The following RBFOX1 variants were observed in gnomAD, a reference collection of about 807,000 sequenced individuals.
RBFOX1 encodes the protein RNA binding protein fox-1 homolog 1.
Under a neutral mutation model 57.7 loss-of-function variants are expected in RBFOX1, and 8 were observed. That is an observed-to-expected ratio of 0.14 (90% CI 0.08 to 0.25). RBFOX1 has a LOEUF of 0.25. Ranked by LOEUF, RBFOX1 falls within the 10% of genes least tolerant of loss-of-function variation. The pLI is 1.00. For missense variants in RBFOX1, 611 were observed against 548.5 expected, an observed-to-expected ratio of 1.11 and a Z score of -1.14; for synonymous variants, 326 against 222.4, an observed-to-expected ratio of 1.47 and a Z score of -4.15.
intron 2 of RBFOX1, among the ~76,000 whole-genome samples, chr16:5,569,146 G>A (rs1394622453): frequency 2.0e-5 from 3 of 151,972 alleles, no homozygotes; most frequent in East Asian, 1.9e-4. Flanking sequence ...CACCATGCCC[G>A]GCTGACATTG....
chr16:7,374,887 C>A (rs1308321968), intron 4 of RBFOX1, among the ~76,000 whole-genome samples: 2 of 152,176 alleles, frequency 1.3e-5, no homozygotes, highest in African/African-American at 2.4e-5. Context: ...CAGAAAGTGT[C>A]TCTTCCATGA....
chr16:7,061,679 A>G (rs543011935), intron 4 of RBFOX1, among the ~76,000 whole-genome samples: 1 of 152,214 alleles, frequency 6.6e-6, no homozygotes, highest in African/African-American at 2.4e-5. Context: ...TCCAGGGAAA[A>G]TCTATTCCCA....
rs2071879460 is a variant in RBFOX1 at position 6,740,942 on chromosome 16, G to A, written c.-16+86292G>A. Reference sequence around the variant, plus strand: ...AATTTTGAAAAATAAGAATCAGGTGGGACAAACCAGTCTACCTAGTTTCAA... The same window carrying A: ...AATTTTGAAAAATAAGAATCAGGTGAGACAAACCAGTCTACCTAGTTTCAA... On this transcript the variant is annotated intron_variant, in intron 3 of 15. Coordinates refer to ENST00000550418, the MANE Select transcript of RBFOX1 (RefSeq NM_018723.4). Among the ~76,000 whole-genome samples the A allele has an allele frequency of 2.6e-5, 4 of 152,058 alleles. No individual in the cohort carries two copies. The South Asian group carries it at 8.3e-4, about 32-fold the overall frequency.
At chr16:5,292,693 G>C (rs1359446015) in intron 1 of RBFOX1, among the ~76,000 whole-genome samples, 1 of 151,724 alleles carries the variant, frequency 6.6e-6, no homozygotes, top group Non-Finnish European at 1.5e-5. Context: ...GCACGATCTC[G>C]GCTCACTGCA....
chr16:5,482,340 CTT>C (rs1264683885), intron 2 of RBFOX1, among the ~76,000 whole-genome samples: 1 of 152,106 alleles, frequency 6.6e-6, no homozygotes, highest in African/African-American at 2.4e-5. Context: ...GAGGTAGAGA[CTT>C]TGCCTTCCAG....
intron 4 of RBFOX1, among the ~76,000 whole-genome samples, chr16:7,137,034 G>A (rs2072217063): frequency 2.0e-5 from 3 of 152,178 alleles, no homozygotes. Flanking sequence ...TGGACACTAA[G>A]TTCCTATTTG....
At chr16:7,172,239 A>G (rs1326194480) in intron 4 of RBFOX1, among the ~76,000 whole-genome samples, 1 of 152,150 alleles carries the variant, frequency 6.6e-6, no homozygotes, top group African/African-American at 2.4e-5. Flanking sequence ...ATACTCTTCA[A>G]TAAATTTACC....
At chr16:6,878,227 G>C (rs568020471) in intron 3 of RBFOX1, among the ~76,000 whole-genome samples, 1 of 152,138 alleles carries the variant, frequency 6.6e-6, no homozygotes, top group Non-Finnish European at 1.5e-5. Context: ...CAAAGATTCC[G>C]TTTCTTCCCT....
intron 1 of RBFOX1, among the ~76,000 whole-genome samples, chr16:5,272,718 T>C (rs2063044913): frequency 1.3e-5 from 2 of 152,204 alleles, no homozygotes; most frequent in Admixed American, 1.3e-4. Flanking sequence ...GTTGGCCAAC[T>C]CATTGACTTC....
intron 2 of RBFOX1, among the ~76,000 whole-genome samples, chr16:5,492,940 C>T (rs575816868): frequency 1.3e-5 from 2 of 152,234 alleles, no homozygotes; most frequent in East Asian, 1.9e-4. Context: ...TTCTTTTGAC[C>T]CTAGAGCCTA....
At chr16:6,154,168 A>C (rs2096822805) in intron 1 of RBFOX1, among the ~76,000 whole-genome samples, 1 of 152,212 alleles carries the variant, frequency 6.6e-6, no homozygotes, top group African/African-American at 2.4e-5. Flanking sequence ...CATGCAAGCC[A>C]GTTATCTCTC....
intron 3 of RBFOX1, chr16:6,704,714 A>T (rs1302055777): frequency 6.6e-6 from 1 of 152,194 alleles, no homozygotes; most frequent in Non-Finnish European, 1.5e-5. Context: ...AACATTCAGT[A>T]TTGCAGAAAT....
intron 4 of RBFOX1, among the ~76,000 whole-genome samples, chr16:7,479,944 C>T (rs1210845100): frequency 6.6e-6 from 1 of 152,094 alleles, no homozygotes; most frequent in Non-Finnish European, 1.5e-5. Flanking sequence ...TATTAAATTC[C>T]TAGGAAAAGG....
chr16:6,899,176 GTA>G (rs1350680429), intron 3 of RBFOX1, among the ~76,000 whole-genome samples: 30 of 143,464 alleles, frequency 2.1e-4, no homozygotes, highest in African/African-American at 7.9e-4. Context: ...GTATGTGTGT[GTA>G]TAATATGTGT....
intron 3 of RBFOX1, among the ~76,000 whole-genome samples, chr16:6,911,182 A>G (rs2071487179): frequency 7.5e-6 from 1 of 133,284 alleles, no homozygotes; most frequent in African/African-American, 3.0e-5. Context: ...AACCTGGGCA[A>G]CAAGAGTAAA....
chr16:5,785,331 G>T (rs981174488), intron 3 of RBFOX1, among the ~76,000 whole-genome samples: 3 of 152,082 alleles, frequency 2.0e-5, no homozygotes, highest in Non-Finnish European at 4.4e-5. Flanking sequence ...AGGTGGAGCT[G>T]GCTCAAAACT....
At chr16:6,302,804 A>T (rs2078974940) in intron 1 of RBFOX1, among the ~76,000 whole-genome samples, 1 of 152,232 alleles carries the variant, frequency 6.6e-6, no homozygotes, top group Non-Finnish European at 1.5e-5. Context: ...ATGAGACTAA[A>T]CTTATGCCCC....
chr16:5,283,960 C>G (rs1044757014), intron 1 of RBFOX1, among the ~76,000 whole-genome samples: 1 of 152,062 alleles, frequency 6.6e-6, no homozygotes, highest in Non-Finnish European at 1.5e-5. Context: ...GTGTCCCCAC[C>G]CAAATCTCAT....
chr16:6,205,533 G>C (rs776632408), intron 1 of RBFOX1, among the ~76,000 whole-genome samples: 1 of 152,112 alleles, frequency 6.6e-6, no homozygotes, highest in South Asian at 2.1e-4. Context: ...ACTGTTGTCA[G>C]ATGTTTCTGC....
Sources: allele counts gnomAD v4.1 joint callset (sites outside exome capture counted in the v4.1 genomes callset), GRCh38; gene constraint gnomAD v4.1.1; transcripts MANE v1.5; gene names NCBI Gene and HGNC (gene_info 2026-07-23, HGNC 2026-07-21).